The following TMEM255B variants were observed in gnomAD, a reference collection of about 807,000 sequenced individuals.
TMEM255B encodes the protein transmembrane protein 255B.
In TMEM255B, 35 loss-of-function variants were observed where a neutral mutation model predicts 34.5. The ratio of observed to expected loss-of-function variants is 1.01; its 90% CI spans 0.77 to 1.34. The LOEUF (loss-of-function observed/expected upper bound fraction) is 1.34. Ranked by LOEUF, TMEM255B falls within the 40% of genes most tolerant of loss-of-function variation. The pLI, the probability that TMEM255B is intolerant of heterozygous loss-of-function variation, is 0.00. For missense variants in TMEM255B, 432 were observed against 433.2 expected, an observed-to-expected ratio of 1.00 and a Z score of 0.02; for synonymous variants, 206 against 201.2, an observed-to-expected ratio of 1.02 and a Z score of -0.20.
At chr13:113,803,986 C>T (rs2051116085) in intron 7 of TMEM255B, among the ~76,000 whole-genome samples, 1 of 141,074 alleles carries the variant, frequency 7.1e-6, no homozygotes, top group South Asian at 2.5e-4. Context: ...GCCTGGCTTC[C>T]CCGCCTTTGC....
intron 7 of TMEM255B, among the ~76,000 whole-genome samples, 183 bp downstream of exon 7, chr13:113,801,995 G>T (rs943610676): frequency 6.6e-6 from 1 of 152,218 alleles, no homozygotes; most frequent in Non-Finnish European, 1.5e-5. Flanking sequence ...GGGCCGTCCT[G>T]TCCCAAGCCT....
rs182614633 is a variant in TMEM255B at position 113,780,557 on chromosome 13, A to G, written c.252+11397A>G. ...AAGGATTAGCAACATTTTAAGCAAA[A>G]TGTCAAAATGATCACTCCAGTCTCC... On this transcript the variant is annotated intron_variant, in intron 3 of 8. Transcript: ENST00000375353. Among the ~76,000 whole-genome samples the G allele has an allele frequency of 4.6e-5, 7 of 152,324 alleles. No individual in the cohort carries two copies. The East Asian group carries it at 1.2e-3, about 25-fold the overall frequency.
At chr13:113,803,463 G>A (rs1311176274) in intron 7 of TMEM255B, 1 of 148,312 alleles carries the variant, frequency 6.7e-6, no homozygotes, top group Non-Finnish European at 1.5e-5. Flanking sequence ...GTGCGTGGGA[G>A]GCACTTAACG....
intron 3 of TMEM255B, among the ~76,000 whole-genome samples, chr13:113,774,762 AC>A (rs1273060457): frequency 9.4e-5 from 14 of 148,788 alleles, no homozygotes; most frequent in African/African-American, 3.2e-4. Flanking sequence ...CACACCACAC[AC>A]CACACACAAC....
rs371074569 is a variant in TMEM255B, at chr13:113,769,078, C to G, written c.190-20C>G. 1 of 1,613,692 alleles carries G rather than the reference C, an allele frequency of 6.2e-7. No individual in the cohort carries two copies. Among genetic ancestry groups the G allele is most frequent in the African/African-American group, 1.3e-5 (1 of 74,926 alleles). Reference sequence around the variant, plus strand: ...GGCACGTTAATGAGTGTTTCTCTCTCGTTCTTCCTTTGGTTTTAGCTCGGC... The same window carrying G: ...GGCACGTTAATGAGTGTTTCTCTCTGGTTCTTCCTTTGGTTTTAGCTCGGC... On this transcript the variant is annotated intron_variant, in intron 2 of 8. Transcript: ENST00000375353. This position sits in a 1 kb window ranked among gnomAD's most constrained non-coding sequence, Gnocchi z 4.2.
At position 113,806,067 on chromosome 13, in the gene TMEM255B, G is replaced by A. The variant is rs574456669; in HGVS notation, c.813+1039G>A. Among the ~76,000 whole-genome samples the A allele has an allele frequency of 6.6e-6, 1 of 152,290 alleles. No individual in the cohort carries two copies. The highest frequency in any genetic ancestry group is 2.1e-4 in the South Asian group (1 of 4,822). On this transcript the variant is annotated intron_variant, in intron 8 of 8. Transcript: ENST00000375353. The surrounding 1 kb of genome is among the most constrained non-coding windows in gnomAD (Gnocchi z 4.2). ...ACACAGGTCTTCAGATATTCCACAA[G>A]AGGACCCTCTCCCGACACATGACGT...
intron 1 of TMEM255B, among the ~76,000 whole-genome samples, chr13:113,765,461 G>A (rs145635301): frequency 1.3e-3 from 198 of 152,346 alleles, no homozygotes; most frequent in African/African-American, 4.4e-3. Flanking sequence ...TGTGCGGTCT[G>A]CTTTCCCTGC....
rs1240663327 is a variant in TMEM255B, at chr13:113,802,723, A to G, written c.669+911A>G. 2.0e-5 allele frequency among the ~76,000 whole-genome samples: 3 copies of G among 148,072 alleles called. 1 individual carries two copies. Among genetic ancestry groups the G allele is most frequent in the African/African-American group, 7.4e-5 (3 of 40,590 alleles). ...CTTCTCAGCTCCTCCTTTTCTCAAC[A>G]CTTTTGTGCTTCCAGACAAAACTGG... On this transcript the variant is annotated intron_variant, in intron 7 of 8. Coordinates refer to ENST00000375353, the MANE Select transcript of TMEM255B (RefSeq NM_182614.4).
intron 4 of TMEM255B, among the ~76,000 whole-genome samples, chr13:113,796,410 CCACACAGAGCACACACCA>C (rs781164699): frequency 2.4e-3 from 146 of 61,002 alleles, no homozygotes; most frequent in Admixed American, 7.7e-3. Context: ...ACCTCACACA[CCACACAGAGCACACACCA>C]CACAGAGCAC....
intron 3 of TMEM255B, among the ~76,000 whole-genome samples, chr13:113,786,689 G>T (rs967838088): frequency 1.3e-5 from 2 of 151,692 alleles, no homozygotes; most frequent in African/African-American, 4.8e-5. Context: ...CACCATCACC[G>T]TCATCACTGT....
intron 8 of TMEM255B, 129 bp downstream of exon 8, chr13:113,805,157 G>T: frequency 1.7e-6 from 2 of 1,180,228 alleles, no homozygotes; most frequent in Non-Finnish European, 2.3e-6. Flanking sequence ...GATGGGAGGT[G>T]GGGGGCAGTG....
rs1401141792 is a variant in TMEM255B at position 113,807,402 on chromosome 13, G to A, written c.813+2374G>A. ...GTGGGGGTGGTCCTCCCTGTCACAC[G>A]TGGGCTTACGGGATGTGGGGGGTGG... On this transcript the variant is annotated intron_variant, in intron 8 of 8. Transcript: ENST00000375353. 4.5e-5 allele frequency among the ~76,000 whole-genome samples: 6 copies of A among 133,260 alleles called. 1 individual carries two copies. The highest frequency in any genetic ancestry group is 1.5e-4 in the African/African-American group (5 of 33,260). 87.4% of individuals were successfully genotyped at this position (133,260 alleles called of 152,430 possible). A position where few individuals can be genotyped will look rare whatever the true frequency, so the allele number is the denominator to read the frequency against.
rs1251991449 is a variant in TMEM255B, at chr13:113,807,760, C to T, written c.813+2732C>T. Among the ~76,000 whole-genome samples the T allele has an allele frequency of 2.2e-4, 27 of 125,016 alleles. No homozygotes were observed. In the East Asian group the frequency reaches 5.7e-3, roughly 26 times the overall value. 82.0% of individuals were successfully genotyped at this position (125,016 alleles called of 152,430 possible). A position where few individuals can be genotyped will look rare whatever the true frequency, so the allele number is the denominator to read the frequency against. ...ATGGGATGTGGGGGGTAGTCCTCCC[C>T]GTCACACGCAGGCTTACGGGATGTG... is the stretch of plus-strand genomic sequence containing the variant. On this transcript the variant is annotated intron_variant, in intron 8 of 8. Coordinates refer to ENST00000375353, the MANE Select transcript of TMEM255B (RefSeq NM_182614.4).
intron 4 of TMEM255B, among the ~76,000 whole-genome samples, chr13:113,798,411 T>C (rs1362433947): frequency 6.9e-6 from 1 of 145,344 alleles, no homozygotes; most frequent in Non-Finnish European, 1.5e-5. Flanking sequence ...GACAAAAGGA[T>C]GGATGACAGA....
Position 113,801,764 on chromosome 13 carries a change from G to T in TMEM255B, c.621G>T (p.Leu207=). Reference sequence around the variant, plus strand: ...CTGCAGTTCTGAACGTCCTGGGCCTGTTCCTGGGCATCATCACCGCCGCCG... The same window carrying T: ...CTGCAGTTCTGAACGTCCTGGGCCTTTTCCTGGGCATCATCACCGCCGCCG... ...WASAVLNVLG[L]FLGIITAAVL... is the part of the protein sequence containing the mutation. Residue 207 remains leucine, a synonymous_variant, in exon 7 of 9, where the codon CTG becomes CTT. Transcript: ENST00000375353. The T allele has an allele frequency of 6.2e-7, 1 of 1,612,816 alleles. No individual in the cohort carries two copies. The highest frequency in any genetic ancestry group is 8.5e-7 in the Non-Finnish European group (1 of 1,179,494).
chr13:113,762,151 T>C (rs2050319663), intron 1 of TMEM255B, among the ~76,000 whole-genome samples: 1 of 152,178 alleles, frequency 6.6e-6, no homozygotes, highest in Non-Finnish European at 1.5e-5. Context: ...TTTAATTATC[T>C]TTCTCCTAAG....
chr13:113,790,305 G>T (rs959643317), intron 3 of TMEM255B, among the ~76,000 whole-genome samples: 1 of 116,882 alleles, frequency 8.6e-6, no homozygotes, highest in Non-Finnish European at 1.9e-5. Context: ...GAACTGACTG[G>T]ACACATGGAC....
In TMEM255B at chr13:113,815,082, A is replaced by G. The variant is rs1160175909; in HGVS notation, c.*3179A>G. 6.6e-6 allele frequency: 1 copy of G among 152,040 alleles called. No individual in the cohort carries two copies. The highest frequency in any genetic ancestry group is 1.5e-5 in the Non-Finnish European group (1 of 68,056). 9.4% of individuals were successfully genotyped at this position (152,040 alleles called of 1,614,324 possible). ...GCAGGGGTCCGTTGAGACTGGCCCC[A>G]CCTTATTAGCTTGGGACCTTGGGTT... On this transcript the variant is annotated 3_prime_UTR_variant, in exon 9 of 9. Transcript: ENST00000375353.
In TMEM255B at chr13:113,804,960, G is replaced by A. The variant is rs763581055; in HGVS notation, c.745G>A (p.Ala249Thr). The A allele has an allele frequency of 1.2e-6, 2 of 1,606,676 alleles. No individual in the cohort carries two copies. The highest frequency in any genetic ancestry group is 3.3e-5 in the Admixed American group (2 of 59,974). ...CTACAACCCCGCCCAGCAGATCCTG[G>A]CCTACGCAGGCTTCCGCCTGACGCC... ...TLYNPAQQIL[A>T]YAGFRLTPEP... is the part of the protein sequence containing the mutation. Residue 249 changes from alanine to threonine, a missense_variant, in exon 8 of 9, where the codon GCC (alanine) becomes ACC (threonine). Transcript: ENST00000375353.
Sources: allele counts gnomAD v4.1 joint callset (sites outside exome capture counted in the v4.1 genomes callset), GRCh38; gene constraint gnomAD v4.1.1; non-coding constraint Gnocchi (gnomAD v3.1); transcripts MANE v1.5; gene names NCBI Gene and HGNC (gene_info 2026-07-23, HGNC 2026-07-21).